The following PDE10A variants were observed in gnomAD, a reference collection of about 807,000 sequenced individuals.
The protein encoded by PDE10A is phosphodiesterase 10A, also known as cAMP and cAMP-inhibited cGMP 3',5'-cyclic phosphodiesterase 10A.
A neutral mutation model predicts 97.7 loss-of-function variants in PDE10A; 39 were observed. The observed-to-expected ratio is 0.40, with a 90% CI of 0.31 to 0.52. The LOEUF (loss-of-function observed/expected upper bound fraction) is 0.52. Ranked by LOEUF, PDE10A falls within the 20% of genes least tolerant of loss-of-function variation. The pLI, the probability that PDE10A is intolerant of heterozygous loss-of-function variation, is 0.56. For missense variants in PDE10A, 731 were observed against 1,047.8 expected (o/e 0.70, Z 4.17); for synonymous variants, 371 against 376.8 (o/e 0.98, Z 0.18).
intron 1 of PDE10A, among the ~76,000 whole-genome samples, chr6:165,843,777 A>G (rs1324366729): frequency 2.6e-5 from 4 of 152,172 alleles, no homozygotes; most frequent in Admixed American, 6.5e-5. Context: ...ATAAACCCAT[A>G]CTAGAGAGGG....
In PDE10A at chr6:165,790,937, C is replaced by A. The variant is rs544788265; in HGVS notation, c.-615+196592G>T. Among the ~76,000 whole-genome samples, 14 of 152,240 alleles carry A rather than the reference C, an allele frequency of 9.2e-5. No individual in the cohort carries two copies. The South Asian group carries it at 2.9e-3, about 32-fold the overall frequency. Reference sequence around the variant, plus strand: ...CGTTGACTATACCTGCACAGTTGTACAGCAGGCCTGCGGAGCTTACTCTTG... The same window carrying A: ...CGTTGACTATACCTGCACAGTTGTAAAGCAGGCCTGCGGAGCTTACTCTTG... On this transcript the variant is annotated intron_variant, in intron 1 of 19. Coordinates refer to the PDE10A transcript ENST00000366882.
At chr6:165,501,104 G>C (rs568928788) in intron 2 of PDE10A, among the ~76,000 whole-genome samples, 29 of 152,090 alleles carry the variant, frequency 1.9e-4, no homozygotes, top group South Asian at 1.9e-3. Context: ...TTGCCGGCTC[G>C]GGTCCTCCAC....
At chr6:165,904,239 G>A (rs576860549) in intron 1 of PDE10A, among the ~76,000 whole-genome samples, 1 of 152,144 alleles carries the variant, frequency 6.6e-6, no homozygotes, top group Non-Finnish European at 1.5e-5. Flanking sequence ...GAGAGGGGAC[G>A]GAATCCGAAG....
chr6:165,819,705 C>T lies in PDE10A; in HGVS notation c.-615+167824G>A, dbSNP rs1057279842. On this transcript the variant is annotated intron_variant, in intron 1 of 19. Coordinates refer to the PDE10A transcript ENST00000366882. The surrounding 1 kb of genome is among the most constrained non-coding windows in gnomAD (Gnocchi z 4.2). ...GCTGGATTTCACTGACTGTGCACCA[C>T]GTACTCCTCACCCGCCCTCCCGCTG... Among the ~76,000 whole-genome samples, 3 of 152,332 alleles carry T rather than the reference C, an allele frequency of 2.0e-5. No homozygotes were observed. Among genetic ancestry groups the T allele is most frequent in the South Asian group, 4.2e-4 (2 of 4,816 alleles).
intron 1 of PDE10A, among the ~76,000 whole-genome samples, chr6:165,860,844 C>T (rs1236191226): frequency 6.6e-6 from 1 of 152,204 alleles, no homozygotes; most frequent in Non-Finnish European, 1.5e-5. Context: ...CCAATGCACA[C>T]AGAGGACCTG....
intron 1 of PDE10A, among the ~76,000 whole-genome samples, chr6:165,814,130 G>T (rs1396718235): frequency 2.0e-5 from 3 of 152,166 alleles, no homozygotes; most frequent in African/African-American, 7.2e-5. Context: ...ATTTCAAAAT[G>T]CAACACATTC....
chr6:165,623,509 A>AG (rs1171742760), intron 1 of PDE10A, among the ~76,000 whole-genome samples: 1 of 113,108 alleles, frequency 8.8e-6, no homozygotes, highest in Non-Finnish European at 2.3e-5. Flanking sequence ...AGAGAGAGAG[A>AG]AAAAAAACAG....
intron 2 of PDE10A, among the ~76,000 whole-genome samples, chr6:165,525,496 A>G (rs2128311102): frequency 6.6e-6 from 1 of 152,256 alleles, no homozygotes; most frequent in South Asian, 2.1e-4. Flanking sequence ...GGAAATTAGG[A>G]TGGTGGAGTG....
intron 1 of PDE10A, among the ~76,000 whole-genome samples, chr6:165,849,598 A>G (rs867825047): frequency 1.3e-5 from 2 of 152,022 alleles, no homozygotes; most frequent in Admixed American, 6.5e-5. Context: ...GCCTAACCCA[A>G]TTCAATTTCT....
At chr6:165,964,261 C>G (rs1411302479) in intron 1 of PDE10A, among the ~76,000 whole-genome samples, 1 of 152,196 alleles carries the variant, frequency 6.6e-6, no homozygotes, top group Non-Finnish European at 1.5e-5. Flanking sequence ...CATCGGGCTT[C>G]CTACAAGCCA....
rs143625527 is a variant in PDE10A at position 165,454,039 on chromosome 6, G to T, written c.1024-3677C>A. ...CCAGAATGGGACAAATTGAGTCAAA[G>T]AAGATTATTCTCCAGCTTTAAAACT... On this transcript the variant is annotated intron_variant, in intron 3 of 21. Transcript: ENST00000539869. 4.6e-5 allele frequency among the ~76,000 whole-genome samples: 7 copies of T among 152,338 alleles called. No homozygotes were observed. The East Asian group carries it at 1.4e-3, about 29-fold the overall frequency.
At chr6:165,589,888 C>G (rs1206439395) in intron 1 of PDE10A, among the ~76,000 whole-genome samples, 2 of 152,134 alleles carry the variant, frequency 1.3e-5, no homozygotes, top group African/African-American at 4.8e-5. Context: ...AATTCAGATA[C>G]ATTTAAAACT....
chr6:165,675,502 A>G (rs1790769011), intron 1 of PDE10A, among the ~76,000 whole-genome samples: 1 of 152,238 alleles, frequency 6.6e-6, no homozygotes, highest in Admixed American at 6.5e-5. Context: ...TGTGTTCTAT[A>G]TTTAAAGTAA....
intron 1 of PDE10A, among the ~76,000 whole-genome samples, chr6:165,895,490 G>A (rs1173562693): frequency 6.6e-6 from 1 of 152,186 alleles, no homozygotes; most frequent in Non-Finnish European, 1.5e-5. Context: ...CAGACTTCTG[G>A]CCTCCACAAC....
At chr6:165,714,790 G>A (rs1333608286) in intron 1 of PDE10A, among the ~76,000 whole-genome samples, 1 of 152,262 alleles carries the variant, frequency 6.6e-6, no homozygotes, top group East Asian at 1.9e-4. Flanking sequence ...GGAGGAGAGT[G>A]ACTGTTCAGT....
intron 1 of PDE10A, among the ~76,000 whole-genome samples, chr6:165,639,986 C>T (rs1485711657): frequency 2.0e-5 from 3 of 151,508 alleles, no homozygotes; most frequent in Non-Finnish European, 2.9e-5. Flanking sequence ...AGGATGATCA[C>T]CTGAGCCCAG....
intron 2 of PDE10A, among the ~76,000 whole-genome samples, chr6:165,492,187 T>C (rs898450713): frequency 6.6e-6 from 1 of 152,072 alleles, no homozygotes; most frequent in Non-Finnish European, 1.5e-5. Flanking sequence ...AACAGACTAA[T>C]AACAAGCAGC....
At chr6:165,835,610 G>A (rs1425037975) in intron 1 of PDE10A, among the ~76,000 whole-genome samples, 3 of 152,202 alleles carry the variant, frequency 2.0e-5, no homozygotes, top group Admixed American at 6.5e-5. Flanking sequence ...CCCTTCCAGG[G>A]AGGGCTTTGC....
intron 1 of PDE10A, among the ~76,000 whole-genome samples, chr6:165,788,518 CAAAAAAA>C (rs56927613): frequency 1.3e-5 from 1 of 74,764 alleles, no homozygotes; most frequent in African/African-American, 6.1e-5. Context: ...AACTCTGTCT[CAAAAAAA>C]AAAAAAAAAA....
Sources: gnomAD v4.1 joint callset for allele counts (sites outside exome capture counted in the v4.1 genomes callset) on GRCh38, gnomAD v4.1.1 for gene constraint, Gnocchi (gnomAD v3.1) non-coding constraint, MANE v1.5 for transcripts, NCBI Gene and HGNC (gene_info 2026-07-23, HGNC 2026-07-21) for gene names.